Variants in FMNL2 observed in about 807,000 individuals in gnomAD.
FMNL2 encodes formin like 2, also known as formin-like protein 2.
FMNL2 carries 51 observed loss-of-function variants against 130.2 expected under a neutral mutation model. The observed-to-expected ratio is 0.39, with a 90% CI of 0.31 to 0.49. The LOEUF (loss-of-function observed/expected upper bound fraction) is 0.49, where lower values mean the gene tolerates loss of function less well. Ranked by LOEUF, FMNL2 falls within the 20% of genes least tolerant of loss-of-function variation. The pLI, the probability that FMNL2 is intolerant of heterozygous loss-of-function variation, is 0.85. For synonymous variants in FMNL2, 465 were observed against 467.1 expected (o/e 1.00, Z 0.06); for missense variants, 977 against 1,316.2 (o/e 0.74, Z 3.99).
Position 152,354,596 on chromosome 2 carries a change from C to G in FMNL2, c.117+18876C>G, listed in dbSNP as rs147835323. ...CAGAGCTAAGCTTATGAAACAAAGG[C>G]TAGTCCCAAATCAAATAAAAACACA... On this transcript the variant is annotated intron_variant, in intron 1 of 25. Coordinates refer to ENST00000288670, the MANE Select transcript of FMNL2 (RefSeq NM_052905.4). Among the ~76,000 whole-genome samples the G allele has an allele frequency of 1.8e-3, 281 of 152,212 alleles. 3 individuals carry two copies. The highest frequency in any genetic ancestry group is 6.6e-3 in the African/African-American group (275 of 41,532).
intron 15 of FMNL2, 22 bp downstream of exon 15, chr2:152,619,740 C>G (rs1471570591): frequency 6.3e-6 from 10 of 1,599,442 alleles, no homozygotes. Context: ...GAATTCAAAC[C>G]CAGGTACTCA....
At chr2:152,637,929 G>GT (rs1682762499) in intron 23 of FMNL2, among the ~76,000 whole-genome samples, 1 of 152,254 alleles carries the variant, frequency 6.6e-6, no homozygotes, top group South Asian at 2.1e-4. Flanking sequence ...GATGCTCAAA[G>GT]ACATTGCTGC....
chr2:152,628,251 G>T lies in FMNL2; in HGVS notation c.2166-48G>T, dbSNP rs1322649679. The T allele has an allele frequency of 2.0e-6, 3 of 1,502,180 alleles. No homozygotes were observed. In the Admixed American group the frequency reaches 5.0e-5, roughly 25 times the overall value. 93.1% of individuals were successfully genotyped at this position (1,502,180 alleles called of 1,614,324 possible). A position where few individuals can be genotyped will look rare whatever the true frequency, so the allele number is the denominator to read the frequency against. ...AAAGATGGATGAACTTGAAAAGGGG[G>T]TAGGAGGTTTTTCTCTCTAATGCTA... On this transcript the variant is annotated intron_variant, in intron 17 of 25. Transcript: ENST00000288670.
At chr2:152,576,021 G>A (rs574537428) in intron 7 of FMNL2, among the ~76,000 whole-genome samples, 1 of 152,224 alleles carries the variant, frequency 6.6e-6, no homozygotes, top group South Asian at 2.1e-4. Context: ...AACTGGTAGG[G>A]TCATCAGTTT....
chr2:152,375,488 T>C (rs1684099967), intron 1 of FMNL2, among the ~76,000 whole-genome samples: 1 of 152,188 alleles, frequency 6.6e-6, no homozygotes, highest in Non-Finnish European at 1.5e-5. Context: ...TCATTCATAT[T>C]TAGGATGAAA....
intron 5 of FMNL2, among the ~76,000 whole-genome samples, chr2:152,559,866 A>T (rs1695429215): frequency 6.6e-6 from 1 of 152,234 alleles, no homozygotes; most frequent in African/African-American, 2.4e-5. Context: ...AGCCAAAGGC[A>T]TGACAGAATT....
At chr2:152,491,892 A>T (rs931130313) in intron 1 of FMNL2, among the ~76,000 whole-genome samples, 1 of 152,198 alleles carries the variant, frequency 6.6e-6, no homozygotes, top group African/African-American at 2.4e-5. Flanking sequence ...CGGAGGTTGC[A>T]GTAAGCTGAG....
intron 1 of FMNL2, among the ~76,000 whole-genome samples, chr2:152,349,533 G>A (rs1317441019): frequency 6.6e-6 from 1 of 152,180 alleles, no homozygotes; most frequent in Non-Finnish European, 1.5e-5. Flanking sequence ...TATGCTTCTT[G>A]TTCGTTCTTC....
At chr2:152,377,747 C>A (rs1011033363) in intron 1 of FMNL2, among the ~76,000 whole-genome samples, 9 of 152,186 alleles carry the variant, frequency 5.9e-5, no homozygotes, top group Non-Finnish European at 8.8e-5. Context: ...CTCTGGCATC[C>A]CATTACTTGG....
At chr2:152,366,226 T>A (rs1011916346) in intron 1 of FMNL2, among the ~76,000 whole-genome samples, 1 of 131,626 alleles carries the variant, frequency 7.6e-6, no homozygotes, top group African/African-American at 2.9e-5. Context: ...ATGAGAACAG[T>A]GAATTGAACA....
At chr2:152,553,823 A>C (rs987578780) in intron 4 of FMNL2, among the ~76,000 whole-genome samples, 9 of 152,124 alleles carry the variant, frequency 5.9e-5, no homozygotes, top group African/African-American at 2.2e-4. Flanking sequence ...ATTGGTGACA[A>C]AGGCTGCATT....
intron 8 of FMNL2, 86 bp from the exon 9 acceptor site, chr2:152,580,870 A>G (rs1696740272): frequency 8.2e-7 from 1 of 1,220,008 alleles, no homozygotes; most frequent in African/African-American, 1.5e-5. Flanking sequence ...CAAATGTTTT[A>G]TTCTCATGTA....
At position 152,614,928 on chromosome 2, in the gene FMNL2, T is replaced by G; in HGVS notation, c.1140T>G (p.Ala380=). Residue 380 remains alanine, a synonymous_variant, in exon 12 of 26, where the codon GCT becomes GCG. Transcript: ENST00000288670. ...TGGACAATGTTTTTGATGTAGGAGC[T>G]CTACTGGAAGATGCTGAAACTAAGA... ...AYLDNVFDVG[A]LLEDAETKNA... 6.2e-7 allele frequency: 1 copy of G among 1,613,772 alleles called. No homozygotes were observed. The highest frequency in any genetic ancestry group is 2.2e-5 in the East Asian group (1 of 44,854).
At chr2:152,346,915 C>A (rs1246165699) in intron 1 of FMNL2, among the ~76,000 whole-genome samples, 1 of 151,622 alleles carries the variant, frequency 6.6e-6, no homozygotes, top group Non-Finnish European at 1.5e-5. Context: ...CATGGTGAAA[C>A]CCCGTATCTA....
At chr2:152,541,958 TAA>T (rs1172619378) in intron 2 of FMNL2, among the ~76,000 whole-genome samples, 3 of 152,190 alleles carry the variant, frequency 2.0e-5, no homozygotes, top group African/African-American at 7.2e-5. Flanking sequence ...TTAGGGTCTA[TAA>T]AACCTGATAC....
chr2:152,582,266 A>G (rs781437616), intron 9 of FMNL2, among the ~76,000 whole-genome samples: 15 of 152,108 alleles, frequency 9.9e-5, no homozygotes, highest in Non-Finnish European at 1.5e-4. Flanking sequence ...CTTCGGAGCT[A>G]TTTCCCCTGC....
chr2:152,398,485 A>G (rs956737326), intron 1 of FMNL2, among the ~76,000 whole-genome samples: 4 of 152,182 alleles, frequency 2.6e-5, no homozygotes, highest in Non-Finnish European at 5.9e-5. Context: ...GGTCTCTAGT[A>G]ATTGGAATTT....
At chr2:152,438,338 G>A (rs769651716) in intron 1 of FMNL2, among the ~76,000 whole-genome samples, 10 of 152,138 alleles carry the variant, frequency 6.6e-5, no homozygotes, top group Non-Finnish European at 1.5e-4. Context: ...TAAAAGCATG[G>A]CAAATTCAGA....
At chr2:152,483,890 C>G (rs1579779089) in intron 1 of FMNL2, among the ~76,000 whole-genome samples, 2 of 152,184 alleles carry the variant, frequency 1.3e-5, no homozygotes, top group East Asian at 3.8e-4. Flanking sequence ...GGAAAAAAAC[C>G]CAAACAACCT....
Sources: allele counts gnomAD v4.1 joint callset (sites outside exome capture counted in the v4.1 genomes callset), GRCh38; gene constraint gnomAD v4.1.1; transcripts MANE v1.5; gene names NCBI Gene and HGNC (gene_info 2026-07-23, HGNC 2026-07-21).